TSHZ2: variants seen among roughly 807,000 people sequenced by gnomAD.
TSHZ2 encodes the protein teashirt zinc finger homeobox 2.
In TSHZ2, 21 loss-of-function variants were observed where a neutral mutation model predicts 74.4. The observed-to-expected ratio is 0.28, with a 90% CI of 0.20 to 0.41. The LOEUF (loss-of-function observed/expected upper bound fraction) is 0.41. Among genes scored for constraint, TSHZ2 ranks in the 10% least tolerant of loss-of-function variants. TSHZ2 has a pLI of 1.00. For missense variants in TSHZ2, 1,244 were observed against 1,293.5 expected, an observed-to-expected ratio of 0.96 and a Z score of 0.59; for synonymous variants, 540 against 515.3, an observed-to-expected ratio of 1.05 and a Z score of -0.65.
chr20:53,472,095 G>A (rs1335085861), intron 2 of TSHZ2, among the ~76,000 whole-genome samples: 2 of 152,242 alleles, frequency 1.3e-5, no homozygotes, highest in East Asian at 1.9e-4. Flanking sequence ...GTGAGCCCGC[G>A]CCCGGCCAGG....
At chr20:52,977,436 ACAC>A (rs1167088670) in intron 1 of TSHZ2, among the ~76,000 whole-genome samples, 1 of 103,286 alleles carries the variant, frequency 9.7e-6, no homozygotes. Context: ...ACACACACAC[ACAC>A]ACACACACAC....
At chr20:53,377,060 A>G (rs1270598094) in intron 2 of TSHZ2, among the ~76,000 whole-genome samples, 1 of 152,222 alleles carries the variant, frequency 6.6e-6, no homozygotes, top group Admixed American at 6.5e-5. Flanking sequence ...CTTCACTGAC[A>G]GCAAGATATG....
intron 2 of TSHZ2, among the ~76,000 whole-genome samples, chr20:53,264,845 G>A (rs1990678395): frequency 6.6e-6 from 1 of 152,162 alleles, no homozygotes; most frequent in Non-Finnish European, 1.5e-5. Flanking sequence ...GACAAAAAGT[G>A]TCATAATGAT....
At chr20:53,111,801 C>T (rs1986541019) in intron 1 of TSHZ2, among the ~76,000 whole-genome samples, 1 of 152,180 alleles carries the variant, frequency 6.6e-6, no homozygotes, top group Non-Finnish European at 1.5e-5. Flanking sequence ...TGTTTCCTTC[C>T]CTCAGGCCCC....
chr20:53,285,514 A>C (rs1991147961), intron 2 of TSHZ2, among the ~76,000 whole-genome samples: 1 of 152,122 alleles, frequency 6.6e-6, no homozygotes, highest in Non-Finnish European at 1.5e-5. Context: ...GTTCAACACC[A>C]GCCTGGCCAA....
intron 2 of TSHZ2, among the ~76,000 whole-genome samples, chr20:53,338,861 G>A (rs1229621474): frequency 6.6e-6 from 1 of 152,202 alleles, no homozygotes; most frequent in Non-Finnish European, 1.5e-5. Context: ...GTTTTCATGA[G>A]GGTCAGATGA....
At chr20:53,167,007 T>C (rs1419063352) in intron 1 of TSHZ2, among the ~76,000 whole-genome samples, 1 of 152,178 alleles carries the variant, frequency 6.6e-6, no homozygotes, top group Non-Finnish European at 1.5e-5. Context: ...AGGTGACATA[T>C]AGGCTGTGAC....
chr20:53,363,101 G>T (rs1981127041), intron 2 of TSHZ2, among the ~76,000 whole-genome samples: 1 of 152,206 alleles, frequency 6.6e-6, no homozygotes, highest in African/African-American at 2.4e-5. Context: ...CCGTAGGAGG[G>T]GTATACCCGA....
chr20:53,186,986 T>G (rs1276318157), intron 1 of TSHZ2, among the ~76,000 whole-genome samples: 3 of 152,150 alleles, frequency 2.0e-5, no homozygotes, highest in Non-Finnish European at 4.4e-5. Context: ...CCATTTTTCA[T>G]GGAGCCTGGT....
rs558679807 is a variant in TSHZ2, at chr20:53,445,667, T to G, written c.*9-41477T>G. ...AATGCCACAGCACTGGTCCATATGG[T>G]GTCTGAGCTGGCCGACAATGCTGGA... On this transcript the variant is annotated intron_variant, in intron 2 of 2. Transcript: ENST00000371497. 5.9e-5 allele frequency among the ~76,000 whole-genome samples: 9 copies of G among 152,270 alleles called. No homozygotes were observed. The East Asian group carries it at 1.7e-3, about 29-fold the overall frequency.
chr20:53,277,591 A>G (rs923452730), intron 2 of TSHZ2, among the ~76,000 whole-genome samples: 1 of 152,182 alleles, frequency 6.6e-6, no homozygotes, highest in African/African-American at 2.4e-5. Context: ...CAGGTGTTCT[A>G]TGTGTTATCT....
At chr20:53,179,720 C>T (rs1040574379) in intron 1 of TSHZ2, among the ~76,000 whole-genome samples, 1 of 152,210 alleles carries the variant, frequency 6.6e-6, no homozygotes, top group Non-Finnish European at 1.5e-5. Context: ...ACCAGCACTG[C>T]TTCCTGGATA....
chr20:53,161,573 G>A (rs1026423758), intron 1 of TSHZ2, among the ~76,000 whole-genome samples: 1 of 152,178 alleles, frequency 6.6e-6, no homozygotes, highest in Non-Finnish European at 1.5e-5. Flanking sequence ...AGGCAAAGGA[G>A]AATCAAGTAA....
chr20:53,123,282 AG>A lies in TSHZ2; in HGVS notation c.41-130216del, dbSNP rs1986862061. The stretch of plus-strand genomic sequence containing the variant: ...GTGCCATAAACTTTAACATTTTTTT[AG>A]CTCACCAGTCTGTGGAGTACAGATG... On this transcript the variant is annotated intron_variant, in intron 1 of 2. Transcript: ENST00000371497. Among the ~76,000 whole-genome samples the A allele has an allele frequency of 2.0e-5, 3 of 152,238 alleles. No homozygotes were observed. In the South Asian group the frequency reaches 6.2e-4, roughly 32 times the overall value.
intron 2 of TSHZ2, among the ~76,000 whole-genome samples, chr20:53,299,740 G>A (rs1409209158): frequency 6.6e-6 from 1 of 152,148 alleles, no homozygotes; most frequent in Non-Finnish European, 1.5e-5. Context: ...ACTTGCTGGT[G>A]AACACCTAAG....
At chr20:53,015,310 C>T (rs189952759) in intron 1 of TSHZ2, among the ~76,000 whole-genome samples, 21 of 152,238 alleles carry the variant, frequency 1.4e-4, no homozygotes, top group Middle Eastern at 3.4e-3. Context: ...ATTTCTTGTA[C>T]GGGAACAGTG....
intron 1 of TSHZ2, among the ~76,000 whole-genome samples, chr20:53,188,144 C>G (rs1988644358): frequency 6.6e-6 from 1 of 152,108 alleles, no homozygotes; most frequent in Admixed American, 6.6e-5. Flanking sequence ...TCATGAAAAC[C>G]AAAATGCTCC....
intron 1 of TSHZ2, among the ~76,000 whole-genome samples, chr20:53,035,057 G>A (rs1326090899): frequency 1.3e-5 from 2 of 152,144 alleles, no homozygotes; most frequent in African/African-American, 2.4e-5. Context: ...GGTGAGGGAG[G>A]CATGAACGAC....
chr20:53,314,756 G>A (rs1435293186), intron 2 of TSHZ2, among the ~76,000 whole-genome samples: 1 of 151,842 alleles, frequency 6.6e-6, no homozygotes, highest in East Asian at 1.9e-4. Context: ...CAAGCAGCAG[G>A]GATTACAGGT....
Sources: gnomAD v4.1 joint callset for allele counts (sites outside exome capture counted in the v4.1 genomes callset) on GRCh38, gnomAD v4.1.1 for gene constraint, MANE v1.5 for transcripts, NCBI Gene and HGNC (gene_info 2026-07-23, HGNC 2026-07-21) for gene names.